The following UNC5C variants were observed in gnomAD, a reference collection of about 807,000 sequenced individuals.
The protein encoded by UNC5C is netrin receptor UNC5C.
UNC5C carries 47 observed loss-of-function variants against 99.8 expected under a neutral mutation model. That is an observed-to-expected ratio of 0.47 (90% CI 0.37 to 0.60). The LOEUF (loss-of-function observed/expected upper bound fraction) is 0.60, where lower values mean the gene tolerates loss of function less well. Among genes scored for constraint, UNC5C ranks in the 20% least tolerant of loss-of-function variants. The pLI is 0.00. For synonymous variants in UNC5C, 487 were observed against 452.2 expected, an observed-to-expected ratio of 1.08 and a Z score of -0.98; for missense variants, 1,062 against 1,165.9, an observed-to-expected ratio of 0.91 and a Z score of 1.30.
intron 2 of UNC5C, among the ~76,000 whole-genome samples, chr4:95,309,574 C>T (rs1047104337): frequency 4.6e-5 from 7 of 151,994 alleles, no homozygotes; most frequent in Non-Finnish European, 1.0e-4. Flanking sequence ...GGAACTCAGT[C>T]AACTCAAGAG....
chr4:95,485,732 T>C (rs1721309241), intron 1 of UNC5C, among the ~76,000 whole-genome samples: 1 of 151,778 alleles, frequency 6.6e-6, no homozygotes. Flanking sequence ...GATCAAAGTT[T>C]GTCATTTTTT....
chr4:95,177,167 G>A (rs190622989), intron 14 of UNC5C, among the ~76,000 whole-genome samples: 37 of 152,302 alleles, frequency 2.4e-4, no homozygotes, highest in African/African-American at 6.5e-4. Flanking sequence ...AGATGAACCC[G>A]GTACCTCAGA....
intron 3 of UNC5C, among the ~76,000 whole-genome samples, chr4:95,281,407 A>T (rs17023419): frequency 0.67 from 102,577 of 152,038 alleles, 35,640 homozygotes; most frequent in African/African-American, 0.85. Flanking sequence ...TGCTATGGAA[A>T]GGCAAACCCT....
chr4:95,357,723 T>C (rs565831602), intron 1 of UNC5C, among the ~76,000 whole-genome samples: 2 of 152,120 alleles, frequency 1.3e-5, no homozygotes, highest in South Asian at 2.1e-4. Flanking sequence ...GCCCAGGAGG[T>C]TGAGGCTGTA....
intron 14 of UNC5C, among the ~76,000 whole-genome samples, chr4:95,174,288 T>C (rs1398424794): frequency 2.0e-5 from 3 of 151,972 alleles, no homozygotes; most frequent in African/African-American, 7.2e-5. Flanking sequence ...TGCTAGCTTT[T>C]GAATGTGTTT....
intron 10 of UNC5C, among the ~76,000 whole-genome samples, chr4:95,213,017 G>A (rs1450339468): frequency 1.3e-5 from 2 of 152,150 alleles, no homozygotes; most frequent in Non-Finnish European, 2.9e-5. Flanking sequence ...CTCCACCGAT[G>A]CATTCCATGC....
chr4:95,302,925 A>G (rs887006365), intron 2 of UNC5C, among the ~76,000 whole-genome samples: 1 of 152,190 alleles, frequency 6.6e-6, no homozygotes, highest in Non-Finnish European at 1.5e-5. Flanking sequence ...ATTGCATTCA[A>G]TGCTGCAAAG....
rs12643832 is a variant in UNC5C at position 95,344,218 on chromosome 4, A to G, written c.125-8587T>C. Among the ~76,000 whole-genome samples, 5,893 of 152,098 alleles carry G rather than the reference A, an allele frequency of 0.039. 751 individuals are homozygous for G. In the East Asian group the frequency reaches 0.5, roughly 13 times the overall value. ...CAGCAAGAGAAAAAAACAACATAAA[A>G]TGGAGCTCCAGTACACCTGGCAGCA... On this transcript the variant is annotated intron_variant, in intron 1 of 15. Coordinates refer to ENST00000453304, the MANE Select transcript of UNC5C (RefSeq NM_003728.4).
At chr4:95,344,508 A>T (rs1246297377) in intron 1 of UNC5C, among the ~76,000 whole-genome samples, 1 of 152,074 alleles carries the variant, frequency 6.6e-6, no homozygotes, top group Non-Finnish European at 1.5e-5. Context: ...AAGGTGCAAA[A>T]CTGACTGGTA....
intron 1 of UNC5C, among the ~76,000 whole-genome samples, chr4:95,516,885 C>T (rs1220627880): frequency 2.6e-5 from 4 of 152,104 alleles, no homozygotes; most frequent in Middle Eastern, 3.4e-3. Context: ...GCCAAGTTAC[C>T]GTGTTTCCTG....
At chr4:95,436,624 A>G (rs1023061748) in intron 1 of UNC5C, among the ~76,000 whole-genome samples, 1 of 151,938 alleles carries the variant, frequency 6.6e-6, no homozygotes, top group African/African-American at 2.4e-5. Flanking sequence ...TAAGTCTAGG[A>G]GTAACTCAGG....
intron 1 of UNC5C, among the ~76,000 whole-genome samples, chr4:95,482,300 C>A (rs1013348319): frequency 1.4e-4 from 22 of 151,992 alleles, no homozygotes; most frequent in African/African-American, 5.3e-4. Context: ...AAATCAAAAC[C>A]ACAATGAGAT....
intron 1 of UNC5C, among the ~76,000 whole-genome samples, chr4:95,482,180 C>T (rs1392327900): frequency 6.6e-6 from 1 of 151,680 alleles, no homozygotes; most frequent in Non-Finnish European, 1.5e-5. Flanking sequence ...CAAACAAACC[C>T]ATCAAAAAGT....
intron 1 of UNC5C, among the ~76,000 whole-genome samples, chr4:95,352,487 C>G (rs1207832966): frequency 6.6e-6 from 1 of 152,160 alleles, no homozygotes; most frequent in Admixed American, 6.6e-5. Context: ...CTATCATTTT[C>G]TCAAATTTGC....
chr4:95,411,902 A>G (rs961786285), intron 1 of UNC5C, among the ~76,000 whole-genome samples: 3 of 151,692 alleles, frequency 2.0e-5, no homozygotes, highest in African/African-American at 7.3e-5. Flanking sequence ...CTTGCCTAAC[A>G]ACTGCCAGAG....
chr4:95,442,573 C>T (rs2149464024), intron 1 of UNC5C, among the ~76,000 whole-genome samples: 1 of 151,992 alleles, frequency 6.6e-6, no homozygotes, highest in East Asian at 1.9e-4. Context: ...CTCAAGCAGT[C>T]CTCTCACCCC....
chr4:95,474,231 A>T (rs79016761), intron 1 of UNC5C, among the ~76,000 whole-genome samples: 6,782 of 152,238 alleles, frequency 0.045, 325 homozygotes, highest in Admixed American at 0.11. Flanking sequence ...GATGGAATCA[A>T]ACCAGGCTTG....
intron 1 of UNC5C, among the ~76,000 whole-genome samples, chr4:95,342,916 A>C (rs1743634020): frequency 6.6e-6 from 1 of 151,968 alleles, no homozygotes; most frequent in Admixed American, 6.6e-5. Flanking sequence ...GTGGCCATGG[A>C]AAAAGACTCC....
rs147224751 is a variant in UNC5C, at chr4:95,531,076, T to G, written c.124+17658A>C. ...AGTGGAGTCCAGCCTTGTTTTAGAC[T>G]TCATAATTTAATAGTATTTAGGTGT... is the stretch of plus-strand genomic sequence containing the variant. On this transcript the variant is annotated intron_variant, in intron 1 of 15. Transcript: ENST00000453304. 5.3e-3 allele frequency among the ~76,000 whole-genome samples: 813 copies of G among 152,322 alleles called. 6 individuals are homozygous for G. Among genetic ancestry groups the G allele is most frequent in the Non-Finnish European group, 9.7e-3 (657 of 68,014 alleles).
Sources: gnomAD v4.1 joint callset for allele counts (sites outside exome capture counted in the v4.1 genomes callset) on GRCh38, gnomAD v4.1.1 for gene constraint, MANE v1.5 for transcripts, NCBI Gene and HGNC (gene_info 2026-07-23, HGNC 2026-07-21) for gene names.